CORO1C: variants seen among roughly 807,000 people sequenced by gnomAD.
The protein encoded by CORO1C is coronin-1C.
Under a neutral mutation model 51.2 loss-of-function variants are expected in CORO1C, and 14 were observed. The observed-to-expected ratio is 0.27, with a 90% CI of 0.18 to 0.43. The LOEUF (loss-of-function observed/expected upper bound fraction) is 0.43, where lower values mean the gene tolerates loss of function less well. CORO1C is among the 20% of genes least tolerant of loss of function. CORO1C has a pLI of 1.00. For missense variants in CORO1C, 417 were observed against 607.8 expected (o/e 0.69, Z 3.30); for synonymous variants, 181 against 210.5 (o/e 0.86, Z 1.21).
intron 1 of CORO1C, among the ~76,000 whole-genome samples, chr12:108,703,415 C>T (rs896319744): frequency 2.0e-5 from 3 of 152,246 alleles, no homozygotes; most frequent in South Asian, 4.1e-4. Flanking sequence ...AAAATAAAAG[C>T]AGGTAAAAAC....
chr12:108,648,581 C>A (rs2032487270), intron 10 of CORO1C, 24 bp downstream of exon 10: 1 of 1,613,788 alleles, frequency 6.2e-7, no homozygotes, highest in African/African-American at 1.3e-5. Context: ...CAGCCAAGCA[C>A]CCCTGCACTC....
intron 1 of CORO1C, among the ~76,000 whole-genome samples, chr12:108,718,286 T>C (rs1263650412): frequency 6.7e-6 from 1 of 149,518 alleles, no homozygotes; most frequent in Admixed American, 6.6e-5. Flanking sequence ...CCAGGAGGCA[T>C]GAACCTGGGA....
At chr12:108,696,434 A>G (rs2034687338) in intron 2 of CORO1C, 2 of 151,944 alleles carry the variant, frequency 1.3e-5, no homozygotes, top group South Asian at 4.2e-4. Flanking sequence ...GGGGGGTTGT[A>G]TGTGTATCTA....
chr12:108,716,024 G>C (rs754151240), intron 1 of CORO1C, among the ~76,000 whole-genome samples: 1 of 150,258 alleles, frequency 6.7e-6, no homozygotes, highest in Non-Finnish European at 1.5e-5. Flanking sequence ...CCAGCTACTC[G>C]GGAGGCTGAG....
intron 10 of CORO1C, 113 bp downstream of exon 10, chr12:108,648,492 A>T: frequency 7.0e-7 from 1 of 1,424,274 alleles, no homozygotes; most frequent in Admixed American, 2.0e-5. Context: ...CATTTACTGA[A>T]AACCCCTGAG....
chr12:108,685,836 T>A (rs1592901667), intron 2 of CORO1C, among the ~76,000 whole-genome samples: 1 of 152,138 alleles, frequency 6.6e-6, no homozygotes, highest in East Asian at 1.9e-4. Flanking sequence ...GAAGACAGTA[T>A]GGGGGTAGAT....
chr12:108,701,019 T>C (rs2034850668), intron 2 of CORO1C, 105 bp downstream of exon 2: 2 of 1,266,610 alleles, frequency 1.6e-6, no homozygotes, highest in South Asian at 2.5e-5. Flanking sequence ...CATCAGAGTC[T>C]AATGGTTTCA....
At chr12:108,679,418 G>A (rs1311949371) in intron 2 of CORO1C, among the ~76,000 whole-genome samples, 2 of 152,116 alleles carry the variant, frequency 1.3e-5, no homozygotes, top group African/African-American at 4.8e-5. Context: ...AAACCAACCA[G>A]GGTTATCAGA....
At chr12:108,715,166 T>G (rs1041523177) in intron 1 of CORO1C, among the ~76,000 whole-genome samples, 1 of 152,048 alleles carries the variant, frequency 6.6e-6, no homozygotes, top group African/African-American at 2.4e-5. Context: ...CCCAGGAGTC[T>G]GAGGCTGCAC....
chr12:108,708,462 GTT>G (rs370271921), intron 1 of CORO1C, among the ~76,000 whole-genome samples: 1 of 143,680 alleles, frequency 7.0e-6, no homozygotes, highest in Non-Finnish European at 1.5e-5. Context: ...GTTGCTTAGA[GTT>G]TTTTTTTTTT....
intron 4 of CORO1C, among the ~76,000 whole-genome samples, chr12:108,660,830 T>C (rs2033230533): frequency 6.6e-6 from 1 of 152,192 alleles, no homozygotes; most frequent in African/African-American, 2.4e-5. Flanking sequence ...GTATAGTCGA[T>C]GGTGATTATA....
In CORO1C at chr12:108,714,999, G is replaced by A. The variant is rs537478816; in HGVS notation, c.-5-13676C>T. Among the ~76,000 whole-genome samples, 14 of 152,206 alleles carry A rather than the reference G, an allele frequency of 9.2e-5. No homozygotes were observed. In the East Asian group the frequency reaches 1.2e-3, roughly 13 times the overall value. On this transcript the variant is annotated intron_variant, in intron 1 of 10. Coordinates refer to ENST00000261401, the MANE Select transcript of CORO1C (RefSeq NM_014325.4). ...ATGTGACGCTATGAAAATGACTGCC[G>A]AAAATCAAGTCTGACAAGAAGTAAA...
intron 1 of CORO1C, among the ~76,000 whole-genome samples, chr12:108,712,626 A>G (rs981556763): frequency 4.0e-5 from 6 of 151,630 alleles, no homozygotes; most frequent in Non-Finnish European, 5.9e-5. Context: ...ATAAGCCTAC[A>G]TAGAATACAC....
intron 6 of CORO1C, among the ~76,000 whole-genome samples, chr12:108,656,113 CGTCTG>C (rs879616868): frequency 0.019 from 2,810 of 145,496 alleles, 26 homozygotes; most frequent in South Asian, 0.027. Flanking sequence ...GCAGCCGCCC[CGTCTG>C]AGAAGTGAGG....
intron 3 of CORO1C, among the ~76,000 whole-genome samples, chr12:108,666,030 C>T (rs906500837): frequency 5.3e-5 from 8 of 152,210 alleles, no homozygotes; most frequent in Non-Finnish European, 1.2e-4. Flanking sequence ...ATAAGCCGAC[C>T]GCACTACTAC....
chr12:108,689,171 G>C (rs2034410902), intron 2 of CORO1C, among the ~76,000 whole-genome samples: 1 of 152,192 alleles, frequency 6.6e-6, no homozygotes, highest in South Asian at 2.1e-4. Flanking sequence ...CTGCACTCCA[G>C]CCTGGGCAAC....
At chr12:108,650,588 G>C (rs1219174118) in intron 8 of CORO1C, among the ~76,000 whole-genome samples, 1 of 152,194 alleles carries the variant, frequency 6.6e-6, no homozygotes, top group African/African-American at 2.4e-5. Context: ...CCACGAGAGT[G>C]TGACAACCTC....
At chr12:108,706,356 C>T (rs2035032373) in intron 1 of CORO1C, among the ~76,000 whole-genome samples, 1 of 152,132 alleles carries the variant, frequency 6.6e-6, no homozygotes, top group Non-Finnish European at 1.5e-5. Flanking sequence ...TGCCTTCTCC[C>T]TGAGATCAAG....
chr12:108,691,778 T>A (rs1461854168), intron 2 of CORO1C, among the ~76,000 whole-genome samples: 1 of 152,100 alleles, frequency 6.6e-6, no homozygotes, highest in African/African-American at 2.4e-5. Flanking sequence ...ATCAGTGAAC[T>A]GCAGCAGCAG....
Sources: gnomAD v4.1 joint callset for allele counts (sites outside exome capture counted in the v4.1 genomes callset) on GRCh38, gnomAD v4.1.1 for gene constraint, MANE v1.5 for transcripts, NCBI Gene and HGNC (gene_info 2026-07-23, HGNC 2026-07-21) for gene names.